The following P3H3 variants were observed in gnomAD, a reference collection of about 807,000 sequenced individuals.
P3H3 encodes the protein prolyl 3-hydroxylase 3.
In P3H3, 64 loss-of-function variants were observed where a neutral mutation model predicts 78.1. The observed-to-expected ratio is 0.82, with a 90% CI of 0.67 to 1.01. The LOEUF (loss-of-function observed/expected upper bound fraction) is 1.01. Ranked by LOEUF, P3H3 falls within the 50% of genes least tolerant of loss-of-function variation. P3H3 has a pLI of 0.00. For synonymous variants in P3H3, 425 were observed against 416.7 expected, an observed-to-expected ratio of 1.02 and a Z score of -0.24; for missense variants, 975 against 982.2, an observed-to-expected ratio of 0.99 and a Z score of 0.10.
Position 6,830,166 on chromosome 12 carries a change from C to T in P3H3, c.651+155C>T, listed in dbSNP as rs782006377. On this transcript the variant is annotated intron_variant, in intron 2 of 14. Transcript: ENST00000290510. ...GGAGTCCTTCTCTAGGACTTCGTTT[C>T]CTTCCTGGATGATCACTGAAATCTG... Among the ~76,000 whole-genome samples the T allele has an allele frequency of 2.8e-4, 42 of 152,322 alleles. No individual in the cohort carries two copies. In the South Asian group the frequency reaches 8.5e-3, roughly 31 times the overall value.
intron 14 of P3H3, 65 bp from the exon 15 acceptor site, chr12:6,839,230 CAG>C (rs1943533911): frequency 1.3e-6 from 2 of 1,567,962 alleles, no homozygotes; most frequent in South Asian, 1.2e-5. Context: ...CGGTGAGGGT[CAG>C]GGGCTGAGCT....
Position 6,839,299 on chromosome 12 carries a change from G to A in P3H3, c.2049G>A (p.Glu683=). ...CACACTCTCCTCCCCAACCCCAGGA[G>A]TGGATAGAAGCCAAAGAACTGCTGC... The part of the protein sequence containing the change: ...HTWAPEHREQ[E]WIEAKELLQE... Residue 683 remains glutamate, a splice_region_variant and synonymous_variant, in exon 15 of 15, where the codon GAG becomes GAA. Coordinates refer to ENST00000290510, the MANE Select transcript of P3H3 (RefSeq NM_014262.5). The A allele has an allele frequency of 6.4e-7, 1 of 1,553,442 alleles. No homozygotes were observed. Among genetic ancestry groups the A allele is most frequent in the South Asian group, 1.2e-5 (1 of 84,270 alleles).
In P3H3 at chr12:6,831,868, A is replaced by G; in HGVS notation, c.1166A>G (p.Gln389Arg). ...CTCCGATCCCTGGGGGAGAAGAGGC[A>G]GCTCTACTATGCCATGGAGCACCTG... Reference protein sequence around the residue: ...FILRSLGEKRQLYYAMEHLGT... With the variant: ...FILRSLGEKRRLYYAMEHLGT... Residue 389 changes from glutamine (Q) to arginine (R), a missense_variant, in exon 6 of 15, where the codon CAG becomes CGG. By Grantham distance (43) the Gln-to-Arg change is conservative. Coordinates refer to ENST00000290510, the MANE Select transcript of P3H3 (RefSeq NM_014262.5). The surrounding 1 kb of genome is among the most constrained non-coding windows in gnomAD (Gnocchi z 4.6). The G allele has an allele frequency of 6.2e-7, 1 of 1,609,394 alleles. No individual in the cohort carries two copies.
In P3H3 at chr12:6,839,592, C is replaced by A; in HGVS notation, c.*131C>A. Reference sequence around the variant, plus strand: ...AAGCTCTCTGTCCCTGCACCCCCACCATCTTGGGGACCTACAAGGGCCTGG... The same window carrying A: ...AAGCTCTCTGTCCCTGCACCCCCACAATCTTGGGGACCTACAAGGGCCTGG... On this transcript the variant is annotated 3_prime_UTR_variant, in exon 15 of 15. Coordinates refer to ENST00000290510, the MANE Select transcript of P3H3 (RefSeq NM_014262.5). The A allele has an allele frequency of 1.8e-6, 2 of 1,098,944 alleles. No individual in the cohort carries two copies. The highest frequency in any genetic ancestry group is 2.6e-5 in the East Asian group (1 of 38,610). The allele number at this position is 1,098,944 out of a possible 1,614,324, so 68.1% of individuals were successfully genotyped here.
chr12:6,828,564 G>A lies in P3H3; in HGVS notation c.124G>A (p.Ala42Thr). The A allele has an allele frequency of 8.1e-7, 1 of 1,234,008 alleles. No individual in the cohort carries two copies. Among genetic ancestry groups the A allele is most frequent in the Non-Finnish European group, 1.0e-6 (1 of 988,706 alleles). 76.4% of individuals were successfully genotyped at this position (1,234,008 alleles called of 1,614,324 possible). Residue 42 changes from alanine to threonine, a missense_variant, in exon 1 of 15, where the codon GCT (alanine) becomes ACT (threonine). Ala to Thr is a moderately conservative substitution (Grantham distance 58). Coordinates refer to ENST00000290510, the MANE Select transcript of P3H3 (RefSeq NM_014262.5). ...APPQAPDLLY[A>T]DGLRAYAAGA... is the part of the protein sequence containing the mutation. ...CCCGCAGGCCCCCGACTTGCTCTAC[G>A]CTGACGGGCTGCGCGCCTACGCGGC...
chr12:6,830,203 T>C, intron 2 of P3H3, 150 bp from the exon 3 acceptor site: 1 of 1,016,280 alleles, frequency 9.8e-7, no homozygotes. Flanking sequence ...TGTTCTAACA[T>C]TATGATTCTG....
At chr12:6,837,598 C>T (rs1555122373) in intron 11 of P3H3, 25 bp downstream of exon 11, 4 of 1,607,612 alleles carry the variant, frequency 2.5e-6, no homozygotes, top group Middle Eastern at 1.7e-4. Context: ...CCCCACTGCT[C>T]TTCTCCAACC....
At position 6,830,202 on chromosome 12, in the gene P3H3, A is replaced by G. The variant is rs1433670809; in HGVS notation, c.652-151A>G. ...GATCACTGAAATCTGATGTTCTAAC[A>G]TTATGATTCTGAGGCCCACCCTTAT... is the stretch of plus-strand genomic sequence containing the variant. On this transcript the variant is annotated intron_variant, in intron 2 of 14. Coordinates refer to ENST00000290510, the MANE Select transcript of P3H3 (RefSeq NM_014262.5). The G allele has an allele frequency of 3.0e-6, 3 of 1,013,738 alleles. No individual in the cohort carries two copies. The African/African-American group carries it at 4.9e-5, about 16-fold the overall frequency. The allele number at this position is 1,013,738 out of a possible 1,614,324, so 62.8% of individuals were successfully genotyped here.
chr12:6,831,795 A>G lies in P3H3; in HGVS notation c.1123-30A>G. 2.1e-6 allele frequency: 3 copies of G among 1,424,798 alleles called. No homozygotes were observed. The highest frequency in any genetic ancestry group is 2.9e-6 in the Non-Finnish European group (3 of 1,017,018). 88.3% of individuals were successfully genotyped at this position (1,424,798 alleles called of 1,614,324 possible). A position where few individuals can be genotyped will look rare whatever the true frequency, so the allele number is the denominator to read the frequency against. ...GGCGCTTCCCTGCCTTCCTCCAGCT[A>G]CCCCTCACTGCTCATCATCTCACCC... On this transcript the variant is annotated intron_variant, in intron 5 of 14. Coordinates refer to ENST00000290510, the MANE Select transcript of P3H3 (RefSeq NM_014262.5). The surrounding 1 kb of genome is among the most constrained non-coding windows in gnomAD (Gnocchi z 4.6).
chr12:6,830,757 G>A lies in P3H3; in HGVS notation c.972G>A (p.Glu324=), dbSNP rs369615544. 2 of 1,614,012 alleles carry A rather than the reference G, an allele frequency of 1.2e-6. No individual in the cohort carries two copies. Among genetic ancestry groups the A allele is most frequent in the Non-Finnish European group, 8.5e-7 (1 of 1,179,886 alleles). The change falls in exon 4 of 15, where the codon GAG becomes GAA. Residue 324 remains glutamate, a synonymous_variant. Transcript: ENST00000290510. ...FLPNQLRRLH[E]AHAQVGNLSQ... is the part of the protein sequence containing the mutation. The stretch of plus-strand genomic sequence containing the variant: ...CCAACCAGCTGAGGCGGCTACATGA[G>A]GCCCATGCTCAGGGTCAGTTGGGGA...
chr12:6,829,612 C>A lies in P3H3; in HGVS notation c.499-247C>A. ...ATTGAGGTCCTGAAGTCCTGAGACCCATGTCCCACCCAACTCCGACGTCTT... is the reference window on the plus strand; with the variant it reads ...ATTGAGGTCCTGAAGTCCTGAGACCAATGTCCCACCCAACTCCGACGTCTT... On this transcript the variant is annotated intron_variant, in intron 1 of 14. Coordinates refer to ENST00000290510, the MANE Select transcript of P3H3 (RefSeq NM_014262.5). The surrounding 1 kb of genome is among the most constrained non-coding windows in gnomAD (Gnocchi z 5.1). 1.9e-6 allele frequency: 1 copy of A among 527,058 alleles called. No individual in the cohort carries two copies. 32.6% of individuals were successfully genotyped at this position (527,058 alleles called of 1,614,324 possible).
intron 10 of P3H3, 136 bp downstream of exon 10, chr12:6,837,222 G>C: frequency 3.1e-6 from 3 of 980,412 alleles, no homozygotes; most frequent in Non-Finnish European, 4.5e-6. Context: ...GACCCAGCGT[G>C]GAGAAAAGGG....
At chr12:6,838,167 G>A (rs1943519749) in intron 13 of P3H3, 134 bp downstream of exon 13, 1 of 1,191,376 alleles carries the variant, frequency 8.4e-7, no homozygotes. Context: ...CGCCTCCGCA[G>A]CCCTCCCGCT....
In P3H3 at chr12:6,831,236, A is replaced by C. The variant is rs782093767; in HGVS notation, c.1006A>C (p.Ile336Leu). ...HAQVGNLSQA[I>L]ENVLSVLLFY... Reference sequence around the variant, plus strand: ...TCCAGTGGGCAATCTGTCCCAGGCTATAGAAAATGTCCTGAGTGTCCTGCT... The same window carrying C: ...TCCAGTGGGCAATCTGTCCCAGGCTCTAGAAAATGTCCTGAGTGTCCTGCT... Residue 336 changes from isoleucine to leucine, a missense_variant, in exon 5 of 15, where the codon ATA becomes CTA. Ile to Leu is a conservative substitution (Grantham distance 5, BLOSUM62 2). Transcript: ENST00000290510. The surrounding 1 kb of genome is among the most constrained non-coding windows in gnomAD (Gnocchi z 4.6). 1 of 1,613,668 alleles carries C rather than the reference A, an allele frequency of 6.2e-7. No individual in the cohort carries two copies. Among genetic ancestry groups the C allele is most frequent in the Admixed American group, 1.7e-5 (1 of 60,004 alleles).
intron 9 of P3H3, among the ~76,000 whole-genome samples, chr12:6,835,764 T>C (rs2137965294): frequency 6.6e-6 from 1 of 152,172 alleles, no homozygotes; most frequent in East Asian, 1.9e-4. Context: ...GCTTTATCTG[T>C]GTATGGTAGA....
Position 6,833,657 on chromosome 12 carries a change from C to T in P3H3, c.1265+13C>T. The T allele has an allele frequency of 2.5e-6, 4 of 1,613,312 alleles. No homozygotes were observed. Among genetic ancestry groups the T allele is most frequent in the Non-Finnish European group, 3.4e-6 (4 of 1,179,346 alleles). On this transcript the variant is annotated intron_variant, in intron 7 of 14. Transcript: ENST00000290510. The stretch of plus-strand genomic sequence containing the variant: ...GAGAAAAGCTCAGGTAGGATATGCC[C>T]CATGGTGGGAGGGGCTTGGCCCGAG...
rs1555122402 is a variant in P3H3, at chr12:6,837,724, T to C, written c.1712-8T>C. The C allele has an allele frequency of 6.2e-7, 1 of 1,608,940 alleles. No homozygotes were observed. Among genetic ancestry groups the C allele is most frequent in the Non-Finnish European group, 8.5e-7 (1 of 1,177,586 alleles). The stretch of plus-strand genomic sequence containing the variant: ...ACAGAGGTACCCCCAGACCCCTTTG[T>C]GTCCTAGGAGAGCAAGAGCAGCGCA... On this transcript the variant is annotated splice_region_variant and splice_polypyrimidine_tract_variant and intron_variant, in intron 11 of 14. Transcript: ENST00000290510.
chr12:6,837,644 C>G (rs1943513097), intron 11 of P3H3, 71 bp downstream of exon 11: 1 of 1,582,076 alleles, frequency 6.3e-7, no homozygotes, highest in Non-Finnish European at 8.6e-7. Flanking sequence ...CCCCAAGAGC[C>G]CCGGGGTGGA....
chr12:6,830,115 G>T (rs1246692642), intron 2 of P3H3, 104 bp downstream of exon 2: 15 of 1,443,314 alleles, frequency 1.0e-5, no homozygotes, highest in Middle Eastern at 3.9e-4. Context: ...TACAGATGGG[G>T]TAATGATCCT....
Sources: gnomAD v4.1 joint callset for allele counts (sites outside exome capture counted in the v4.1 genomes callset) on GRCh38, gnomAD v4.1.1 for gene constraint, Gnocchi (gnomAD v3.1) non-coding constraint, MANE v1.5 for transcripts, NCBI Gene and HGNC (gene_info 2026-07-23, HGNC 2026-07-21) for gene names.